Variants in TMEM232 observed in about 807,000 individuals in gnomAD.
TMEM232 encodes transmembrane protein 232.
A neutral mutation model predicts 78.8 loss-of-function variants in TMEM232; 80 were observed. That is an observed-to-expected ratio of 1.01 (90% CI 0.85 to 1.22). TMEM232 has a LOEUF of 1.22. Among genes scored for constraint, TMEM232 ranks in the 50% most tolerant of loss-of-function variants. TMEM232 has a pLI of 0.00. For missense variants in TMEM232, 881 were observed against 742.2 expected, an observed-to-expected ratio of 1.19 and a Z score of -2.17; for synonymous variants, 297 against 254.3, an observed-to-expected ratio of 1.17 and a Z score of -1.60.
At chr5:110,553,008 A>G (rs1774650915) in intron 11 of TMEM232, among the ~76,000 whole-genome samples, 1 of 152,044 alleles carries the variant, frequency 6.6e-6, no homozygotes, top group African/African-American at 2.4e-5. Flanking sequence ...CCCCTTCCTC[A>G]TTGTTATTGT....
chr5:110,736,300 T>C (rs1799157770), intron 1 of TMEM232, among the ~76,000 whole-genome samples: 1 of 152,184 alleles, frequency 6.6e-6, no homozygotes. Flanking sequence ...GATTTAGTAA[T>C]CTAGAAAGAT....
chr5:110,694,913 G>C (rs1026201764), intron 1 of TMEM232, among the ~76,000 whole-genome samples: 4 of 152,122 alleles, frequency 2.6e-5, no homozygotes, highest in Non-Finnish European at 5.9e-5. Context: ...AGTTCACAAG[G>C]ATATCCTGGA....
chr5:110,609,645 A>AT (rs1352279193), intron 8 of TMEM232, among the ~76,000 whole-genome samples: 2 of 152,014 alleles, frequency 1.3e-5, no homozygotes, highest in African/African-American at 4.8e-5. Flanking sequence ...ACAGAAGTGC[A>AT]TTTTTTCCTC....
At chr5:110,429,352 T>C (rs1317842303) in intron 12 of TMEM232, among the ~76,000 whole-genome samples, 2 of 151,800 alleles carry the variant, frequency 1.3e-5, no homozygotes, top group African/African-American at 4.8e-5. Flanking sequence ...CTTTAACAGT[T>C]CAAGGATGAG....
At chr5:110,671,850 A>G (rs1196564572) in intron 1 of TMEM232, among the ~76,000 whole-genome samples, 1 of 152,204 alleles carries the variant, frequency 6.6e-6, no homozygotes, top group African/African-American at 2.4e-5. Flanking sequence ...CCTATGTAAC[A>G]AACTTGCATG....
chr5:110,466,675 C>T (rs539972041), intron 12 of TMEM232, among the ~76,000 whole-genome samples: 1 of 151,082 alleles, frequency 6.6e-6, no homozygotes, highest in South Asian at 2.1e-4. Flanking sequence ...TGCAGTGGCG[C>T]AATCTCGGCT....
rs142242493 is a variant in TMEM232, at chr5:110,657,628, G to A, written c.125+9600C>T. Among the ~76,000 whole-genome samples the A allele has an allele frequency of 2.5e-3, 374 of 152,168 alleles. 1 individual carries two copies. The highest frequency in any genetic ancestry group is 0.017 in the Middle Eastern group (5 of 294). ...GGTTGGAGGGAACTGGGAGAGGTTG[G>A]TCAATGGGTACAAAGTTACAGTTAA... On this transcript the variant is annotated intron_variant, in intron 2 of 13. Transcript: ENST00000455884.
chr5:110,419,023 G>A (rs192757171), downstream of TMEM232, among the ~76,000 whole-genome samples: 74 of 152,222 alleles, frequency 4.9e-4, no homozygotes, highest in African/African-American at 1.7e-3. Flanking sequence ...AGGTTTGGAT[G>A]GAAGGATGGG....
At chr5:110,560,005 GC>G (rs1212788911) in intron 11 of TMEM232, among the ~76,000 whole-genome samples, 2 of 152,020 alleles carry the variant, frequency 1.3e-5, no homozygotes, top group Non-Finnish European at 2.9e-5. Flanking sequence ...TGGATTAGGG[GC>G]CCATCTACTC....
intron 1 of TMEM232, among the ~76,000 whole-genome samples, chr5:110,694,544 T>C (rs1794530768): frequency 6.6e-6 from 1 of 152,168 alleles, no homozygotes; most frequent in African/African-American, 2.4e-5. Flanking sequence ...ATCAGTGTGC[T>C]GTATTCAGGA....
intron 12 of TMEM232, among the ~76,000 whole-genome samples, chr5:110,449,420 T>C (rs17132148): frequency 0.017 from 2,629 of 152,164 alleles, 70 homozygotes; most frequent in African/African-American, 0.06. Context: ...AAGAAACATA[T>C]ACCATAATTC....
At chr5:110,727,851 A>G (rs1263152605), upstream of TMEM232, among the ~76,000 whole-genome samples, 2 of 152,234 alleles carry the variant, frequency 1.3e-5, no homozygotes, top group Admixed American at 6.5e-5. Flanking sequence ...AGTGAAATTG[A>G]CAAAGACTAT....
intron 12 of TMEM232, among the ~76,000 whole-genome samples, chr5:110,426,298 TGAGTA>T (rs977117870): frequency 3.3e-5 from 5 of 152,034 alleles, no homozygotes; most frequent in South Asian, 2.1e-4. Flanking sequence ...TATGTTTTCC[TGAGTA>T]GAGTATGAGC....
chr5:110,423,967 C>G (rs946866683), intron 13 of TMEM232, among the ~76,000 whole-genome samples: 1 of 152,050 alleles, frequency 6.6e-6, no homozygotes. Flanking sequence ...TTAACAAAAA[C>G]TTTATTAGTG....
chr5:110,539,603 C>T (rs1402140406), intron 11 of TMEM232, among the ~76,000 whole-genome samples: 1 of 152,190 alleles, frequency 6.6e-6, no homozygotes, highest in Non-Finnish European at 1.5e-5. Flanking sequence ...TTGGACAGTG[C>T]TCCCTCAAGG....
At chr5:110,613,367 T>C (rs1580362750) in intron 8 of TMEM232, among the ~76,000 whole-genome samples, 2 of 152,288 alleles carry the variant, frequency 1.3e-5, no homozygotes, top group Middle Eastern at 3.4e-3. Context: ...TTCAATTTCA[T>C]GGGCACAAGC....
intron 10 of TMEM232, among the ~76,000 whole-genome samples, chr5:110,601,130 T>C (rs1278277276): frequency 6.6e-6 from 1 of 152,138 alleles, no homozygotes; most frequent in Non-Finnish European, 1.5e-5. Flanking sequence ...AAGCACTCAA[T>C]AAACTGGGTA....
chr5:110,430,261 C>T (rs1757688409), intron 12 of TMEM232, among the ~76,000 whole-genome samples: 1 of 151,512 alleles, frequency 6.6e-6, no homozygotes, highest in Admixed American at 6.6e-5. Context: ...TCAAAGTTTT[C>T]TCTCGTTTAA....
chr5:110,654,531 T>C (rs985769527), intron 2 of TMEM232, among the ~76,000 whole-genome samples: 2 of 152,242 alleles, frequency 1.3e-5, no homozygotes, highest in Non-Finnish European at 2.9e-5. Flanking sequence ...ATCAGTACCA[T>C]GCTGTTTTGG....
Sources: allele counts gnomAD v4.1 joint callset (sites outside exome capture counted in the v4.1 genomes callset), GRCh38; gene constraint gnomAD v4.1.1; transcripts MANE v1.5; gene names NCBI Gene and HGNC (gene_info 2026-07-23, HGNC 2026-07-21).